Variants in IL1RAPL1 observed in about 807,000 individuals in gnomAD.
The protein encoded by IL1RAPL1 is interleukin-1 receptor accessory protein-like 1.
Under a neutral mutation model 48.4 loss-of-function variants are expected in IL1RAPL1, and 3 were observed. The ratio of observed to expected loss-of-function variants is 0.06; its 90% CI spans 0.03 to 0.16. The LOEUF (loss-of-function observed/expected upper bound fraction) is 0.16, where lower values mean the gene tolerates loss of function less well. Ranked by LOEUF, IL1RAPL1 falls within the 10% of genes least tolerant of loss-of-function variation. IL1RAPL1 has a pLI of 1.00. For synonymous variants in IL1RAPL1, 185 were observed against 187.7 expected, an observed-to-expected ratio of 0.99 and a Z score of 0.12; for missense variants, 349 against 530.6, an observed-to-expected ratio of 0.66 and a Z score of 3.36.
intron 2 of IL1RAPL1, among the ~76,000 whole-genome samples, chrX:29,203,551 T>G (rs1930599280): frequency 9.2e-6 from 1 of 108,526 alleles, no homozygotes; most frequent in African/African-American, 3.4e-5. Flanking sequence ...AGAAACCCCG[T>G]CTCTACTAAA....
intron 5 of IL1RAPL1, among the ~76,000 whole-genome samples, chrX:29,538,199 A>G (rs1298325509): frequency 9.1e-6 from 1 of 109,480 alleles, no homozygotes; most frequent in African/African-American, 3.3e-5. Context: ...AAACCATTAA[A>G]AAAAAAGCCA....
At chrX:29,319,516 T>TTGTA (rs752096218) in intron 3 of IL1RAPL1, among the ~76,000 whole-genome samples, 2,075 of 91,157 alleles carry the variant, frequency 0.023, 39 homozygotes, top group African/African-American at 0.051. Flanking sequence ...ATGTGATATT[T>TTGTA]TGTATGTATG....
chrX:29,580,628 G>A (rs1054430025), intron 5 of IL1RAPL1, among the ~76,000 whole-genome samples: 3 of 111,435 alleles, frequency 2.7e-5, no homozygotes, highest in Non-Finnish European at 1.9e-5. Flanking sequence ...GCTTAGCTGA[G>A]TTAGACTCTA....
At position 29,474,994 on chromosome X, in the gene IL1RAPL1, A is replaced by G. The variant is rs1295435890; in HGVS notation, c.703+75686A>G. Among the ~76,000 whole-genome samples the G allele has an allele frequency of 3.0e-4, 34 of 112,208 alleles. No individual in the cohort carries two copies. The Admixed American group carries it at 3.2e-3, about 11-fold the overall frequency. On this transcript the variant is annotated intron_variant, in intron 5 of 10. Coordinates refer to ENST00000378993, the MANE Select transcript of IL1RAPL1 (RefSeq NM_014271.4). Reference sequence around the variant, plus strand: ...TTAGAATGACATGGTTTATCCTTTTATATGCCTCACAAGAAAGAAGTCTCT... The same window carrying G: ...TTAGAATGACATGGTTTATCCTTTTGTATGCCTCACAAGAAAGAAGTCTCT...
chrX:29,135,578 C>G (rs746135515), intron 2 of IL1RAPL1, among the ~76,000 whole-genome samples: 17 of 111,831 alleles, frequency 1.5e-4, no homozygotes, highest in Non-Finnish European at 3.0e-4. Context: ...GGACCCCAGA[C>G]TTTTACATAC....
intron 5 of IL1RAPL1, among the ~76,000 whole-genome samples, chrX:29,550,349 G>A (rs1019790093): frequency 3.6e-5 from 4 of 110,395 alleles, no homozygotes; most frequent in Non-Finnish European, 5.7e-5. Context: ...CCGCCACCAC[G>A]CCCGGCTAAT....
At position 29,955,097 on chromosome X, in the gene IL1RAPL1, T is replaced by C; in HGVS notation, c.1373-5T>C. On this transcript the variant is annotated splice_region_variant and splice_polypyrimidine_tract_variant and intron_variant, in intron 10 of 10. Transcript: ENST00000378993. ...CATTTTGATGCACTCTTTTATCTTT[T>C]GTAGCATACATTGAAGATGTGGCAA... The C allele has an allele frequency of 8.3e-7, 1 of 1,200,377 alleles. No homozygotes were observed. The highest frequency in any genetic ancestry group is 3.0e-5 in the East Asian group (1 of 33,819).
In IL1RAPL1 at chrX:29,108,529, G is replaced by A. The variant is rs755789262; in HGVS notation, c.83-174409G>A. On this transcript the variant is annotated intron_variant, in intron 2 of 10. Transcript: ENST00000378993. ...CGATTCTCCTGCCTTAGCCTCCTGAGTAGCTGGGATTACAGGCATGCGCCA... is the reference window on the plus strand; with the variant it reads ...CGATTCTCCTGCCTTAGCCTCCTGAATAGCTGGGATTACAGGCATGCGCCA... Among the ~76,000 whole-genome samples, 97 of 110,562 alleles carry A rather than the reference G, an allele frequency of 8.8e-4. 1 individual carries two copies. Among genetic ancestry groups the A allele is most frequent in the Admixed American group, 1.4e-3 (14 of 10,305 alleles).
chrX:29,618,447 T>C lies in IL1RAPL1; in HGVS notation c.704-49983T>C, dbSNP rs190638545. On this transcript the variant is annotated intron_variant, in intron 5 of 10. Coordinates refer to ENST00000378993, the MANE Select transcript of IL1RAPL1 (RefSeq NM_014271.4). ...GTTTAATTTTTTTCATGTCTGGAAG[T>C]CAGCAGTCCGAAATCACTTTTACTG... is the stretch of plus-strand genomic sequence containing the variant. Among the ~76,000 whole-genome samples, 625 of 112,331 alleles carry C rather than the reference T, an allele frequency of 5.6e-3. 3 individuals carry two copies. Among genetic ancestry groups the C allele is most frequent in the Non-Finnish European group, 8.8e-3 (471 of 53,253 alleles).
intron 5 of IL1RAPL1, among the ~76,000 whole-genome samples, chrX:29,639,026 A>C (rs1356895772): frequency 4.5e-5 from 5 of 110,599 alleles, no homozygotes; most frequent in African/African-American, 1.6e-4. Context: ...CTCTACTAAA[A>C]ATACGAAACA....
intron 6 of IL1RAPL1, among the ~76,000 whole-genome samples, chrX:29,834,271 G>A (rs925705913): frequency 9.0e-6 from 1 of 111,344 alleles, no homozygotes; most frequent in African/African-American, 3.3e-5. Flanking sequence ...ATTGCTAAAA[G>A]TCAACTCCAT....
intron 6 of IL1RAPL1, among the ~76,000 whole-genome samples, chrX:29,775,312 GA>G (rs1318126844): frequency 1.2e-4 from 13 of 111,287 alleles, no homozygotes; most frequent in East Asian, 2.8e-4. Context: ...AGCAAAGAAG[GA>G]AAAAAACAAA....
chrX:29,544,288 C>T (rs1311761521), intron 5 of IL1RAPL1, among the ~76,000 whole-genome samples: 1 of 112,094 alleles, frequency 8.9e-6, no homozygotes, highest in Non-Finnish European at 1.9e-5. Context: ...ACTGAATTTG[C>T]AGTATATATG....
chrX:29,097,275 T>G (rs1453499694), intron 2 of IL1RAPL1, among the ~76,000 whole-genome samples: 1 of 111,964 alleles, frequency 8.9e-6, no homozygotes, highest in African/African-American at 3.2e-5. Flanking sequence ...ACCTGGCAAA[T>G]TTTTGTGTTG....
chrX:29,453,304 A>G (rs987799973), intron 5 of IL1RAPL1, among the ~76,000 whole-genome samples: 1 of 110,610 alleles, frequency 9.0e-6, no homozygotes, highest in African/African-American at 3.3e-5. Context: ...ATGAAGTAAA[A>G]GGTAGTTTTA....
chrX:28,834,265 TTGTG>T (rs72307048), intron 2 of IL1RAPL1, among the ~76,000 whole-genome samples: 2,288 of 107,409 alleles, frequency 0.021, 62 homozygotes, highest in African/African-American at 0.071. Flanking sequence ...TAGGCAATTT[TTGTG>T]TGTATCTTCA....
At chrX:29,375,445 C>A (rs1933609953) in intron 3 of IL1RAPL1, among the ~76,000 whole-genome samples, 1 of 111,504 alleles carries the variant, frequency 9.0e-6, no homozygotes, top group Non-Finnish European at 1.9e-5. Context: ...GGATTACAGG[C>A]ATGTCCCACT....
intron 1 of IL1RAPL1, among the ~76,000 whole-genome samples, chrX:28,612,975 G>C (rs895093316): frequency 9.0e-6 from 1 of 111,694 alleles, no homozygotes; most frequent in African/African-American, 3.2e-5. Context: ...GGCAAATCTC[G>C]TAACATTTCT....
chrX:29,495,020 G>T (rs1232920390), intron 5 of IL1RAPL1, among the ~76,000 whole-genome samples: 1 of 111,705 alleles, frequency 9.0e-6, no homozygotes, highest in African/African-American at 3.2e-5. Context: ...GAAAAATTAA[G>T]GTCTACTGGG....
Sources: gnomAD v4.1 joint callset for allele counts (sites outside exome capture counted in the v4.1 genomes callset) on GRCh38, gnomAD v4.1.1 for gene constraint, MANE v1.5 for transcripts, NCBI Gene and HGNC (gene_info 2026-07-23, HGNC 2026-07-21) for gene names.